Variants in SLC22A16 observed in about 807,000 individuals in gnomAD.
SLC22A16 encodes the protein solute carrier family 22 member 16, also known as WUGSC:RG331P03.1.
SLC22A16 carries 53 observed loss-of-function variants against 52.9 expected under a neutral mutation model. The observed-to-expected ratio is 1.00, with a 90% CI of 0.80 to 1.26. The LOEUF (loss-of-function observed/expected upper bound fraction) is 1.26. Among genes scored for constraint, SLC22A16 ranks in the 50% most tolerant of loss-of-function variants. The pLI is 0.00. For synonymous variants in SLC22A16, 291 were observed against 268.8 expected (o/e 1.08, Z -0.81); for missense variants, 726 against 704.0 (o/e 1.03, Z -0.35).
intron 4 of SLC22A16, chr6:110,440,027 A>G (rs145040127): frequency 6.6e-6 from 1 of 152,372 alleles, no homozygotes; most frequent in African/African-American, 2.4e-5. Flanking sequence ...GTTAAAATAT[A>G]AAACATTAAT....
chr6:110,431,142 T>C (rs1459227992), intron 7 of SLC22A16, 29 bp downstream of exon 7: 1 of 1,594,828 alleles, frequency 6.3e-7, no homozygotes, highest in Admixed American at 1.7e-5. Context: ...CCGTGCCCCC[T>C]TGGGGAGGGT....
intron 1 of SLC22A16, among the ~76,000 whole-genome samples, chr6:110,475,189 A>G (rs1776417839): frequency 6.6e-6 from 1 of 152,116 alleles, no homozygotes. Context: ...ATACATAAAG[A>G]GCTTGGCCCA....
intron 2 of SLC22A16, among the ~76,000 whole-genome samples, chr6:110,449,856 C>A (rs576681099): frequency 1.8e-4 from 28 of 152,342 alleles, no homozygotes; most frequent in Non-Finnish European, 3.7e-4. Context: ...AGTACACCTT[C>A]CACACTTCCT....
In SLC22A16 at chr6:110,470,891, T is replaced by C. The variant is rs186833481; in HGVS notation, c.53+5631A>G. 1.4e-3 allele frequency among the ~76,000 whole-genome samples: 211 copies of C among 152,344 alleles called. 1 individual carries two copies. The highest frequency in any genetic ancestry group is 1.4e-3 in the Non-Finnish European group (93 of 68,024). ...GATATCTAGTTTTCTGGTTAAACTA[T>C]GTACTGGTACAAGGTTTGACATTCA... On this transcript the variant is annotated intron_variant, in intron 1 of 7. Coordinates refer to ENST00000368919, the MANE Select transcript of SLC22A16 (RefSeq NM_033125.4).
intron 3 of SLC22A16, among the ~76,000 whole-genome samples, chr6:110,444,781 A>G (rs1775102748): frequency 6.6e-6 from 1 of 152,198 alleles, no homozygotes; most frequent in Non-Finnish European, 1.5e-5. Flanking sequence ...TTGTAATGGC[A>G]AGACTCAGAT....
At chr6:110,442,207 C>T (rs141992035) in intron 4 of SLC22A16, 37 bp downstream of exon 4, 1 of 1,581,482 alleles carries the variant, frequency 6.3e-7, no homozygotes, top group East Asian at 2.2e-5. Flanking sequence ...AGAAATCTCA[C>T]TTCACTGCCA....
intron 2 of SLC22A16, among the ~76,000 whole-genome samples, chr6:110,450,007 C>T (rs62421686): frequency 0.049 from 7,517 of 152,226 alleles, 220 homozygotes; most frequent in South Asian, 0.088. Context: ...TATTCCTTTC[C>T]CTTGGGGGCC....
At chr6:110,472,230 C>T (rs1417942827) in intron 1 of SLC22A16, among the ~76,000 whole-genome samples, 2 of 152,180 alleles carry the variant, frequency 1.3e-5, no homozygotes, top group South Asian at 2.1e-4. Context: ...ATTCACTTCT[C>T]CTTCATGCCT....
At chr6:110,462,136 A>T (rs1775907660) in intron 1 of SLC22A16, among the ~76,000 whole-genome samples, 1 of 152,178 alleles carries the variant, frequency 6.6e-6, no homozygotes, top group African/African-American at 2.4e-5. Context: ...AGCACGGGAA[A>T]TACCTGCCTC....
At chr6:110,438,201 A>G (rs1380103095) in intron 5 of SLC22A16, among the ~76,000 whole-genome samples, 1 of 152,268 alleles carries the variant, frequency 6.6e-6, no homozygotes, top group East Asian at 1.9e-4. Flanking sequence ...CTGAATGAAT[A>G]AATGAGTGAA....
chr6:110,446,628 C>A (rs1013870690), intron 3 of SLC22A16, among the ~76,000 whole-genome samples: 2 of 152,060 alleles, frequency 1.3e-5, no homozygotes, highest in Non-Finnish European at 2.9e-5. Flanking sequence ...GTAATTGTGA[C>A]ATGTGGACCA....
Position 110,431,213 on chromosome 6 carries a change from C to A in SLC22A16, c.1479G>T (p.Pro493=), listed in dbSNP as rs142454497. 5.0e-5 allele frequency: 81 copies of A among 1,613,710 alleles called. No homozygotes were observed. The highest frequency in any genetic ancestry group is 6.7e-5 in the Non-Finnish European group (79 of 1,179,976). The change falls in exon 7 of 8, where the codon CCG becomes CCT. Residue 493 remains proline, a synonymous_variant. Coordinates refer to ENST00000368919, the MANE Select transcript of SLC22A16 (RefSeq NM_033125.4). ...AAATGCTGCTGAGGTCCACAGAGAACGGCGCCAGGATGCTGGCCAGGCGAC... is the reference window on the plus strand; with the variant it reads ...AAATGCTGCTGAGGTCCACAGAGAAAGGCGCCAGGATGCTGGCCAGGCGAC... The part of the protein sequence containing the change: ...MVCRLASILA[P]FSVDLSSIWI...
chr6:110,452,156 T>C (rs1249057675), intron 2 of SLC22A16, among the ~76,000 whole-genome samples: 1 of 152,222 alleles, frequency 6.6e-6, no homozygotes. Flanking sequence ...ATTTGATTCT[T>C]CAAGTTTATA....
chr6:110,428,427 A>G (rs1477308895), intron 7 of SLC22A16, among the ~76,000 whole-genome samples: 1 of 152,208 alleles, frequency 6.6e-6, no homozygotes, highest in East Asian at 1.9e-4. Context: ...ACTTTTGTAT[A>G]GATTGTTTGT....
At position 110,424,898 on chromosome 6, in the gene SLC22A16, G is replaced by C. The variant is rs373092945; in HGVS notation, c.1709C>G (p.Pro570Arg). The change falls in exon 8 of 8, where the codon CCC (proline) becomes CGC (arginine). Residue 570 changes from proline (P) to arginine (R), a missense_variant. Transcript: ENST00000368919. ...TTATTCACCAAGACCAGAATCCCTGGGGGTAATCGCTTCCGTTTTTTCCAG... is the reference window on the plus strand; with the variant it reads ...TTATTCACCAAGACCAGAATCCCTGCGGGTAATCGCTTCCGTTTTTTCCAG... Reference protein sequence around the residue: ...SGLEKTEAITPRDSGLGE With the variant: ...SGLEKTEAITRRDSGLGE 2 of 1,614,122 alleles carry C rather than the reference G, an allele frequency of 1.2e-6. No individual in the cohort carries two copies. The highest frequency in any genetic ancestry group is 1.7e-6 in the Non-Finnish European group (2 of 1,180,026).
chr6:110,465,050 C>T lies in SLC22A16; in HGVS notation c.54-8033G>A, dbSNP rs368888311. Among the ~76,000 whole-genome samples, 231 of 151,584 alleles carry T rather than the reference C, an allele frequency of 1.5e-3. 2 individuals are homozygous for T. The highest frequency in any genetic ancestry group is 5.5e-3 in the African/African-American group (226 of 41,346). ...TTAAAAACAAAAGACATAAGGTCAA[C>T]TCAATAGATGCTGAAAAAGCATTTG... On this transcript the variant is annotated intron_variant, in intron 1 of 7. Coordinates refer to ENST00000368919, the MANE Select transcript of SLC22A16 (RefSeq NM_033125.4).
At chr6:110,473,625 C>T (rs920873739) in intron 1 of SLC22A16, among the ~76,000 whole-genome samples, 2 of 146,736 alleles carry the variant, frequency 1.4e-5, no homozygotes, top group African/African-American at 2.5e-5. Flanking sequence ...CCTGGGTTCA[C>T]GCCATTCTCC....
At chr6:110,472,028 C>T (rs879547406) in intron 1 of SLC22A16, among the ~76,000 whole-genome samples, 1 of 152,124 alleles carries the variant, frequency 6.6e-6, no homozygotes, top group African/African-American at 2.4e-5. Flanking sequence ...GATTATCTAC[C>T]CAACTTCCCA....
At chr6:110,451,801 C>T (rs1775390253) in intron 2 of SLC22A16, among the ~76,000 whole-genome samples, 1 of 152,084 alleles carries the variant, frequency 6.6e-6, no homozygotes, top group Admixed American at 6.5e-5. Context: ...CTTTCATGAT[C>T]AATGTTTTTT....
Sources: allele counts gnomAD v4.1 joint callset (sites outside exome capture counted in the v4.1 genomes callset), GRCh38; gene constraint gnomAD v4.1.1; transcripts MANE v1.5; gene names NCBI Gene and HGNC (gene_info 2026-07-23, HGNC 2026-07-21).